The following CARMIL3 variants were observed in gnomAD, a reference collection of about 807,000 sequenced individuals.
The protein encoded by CARMIL3 is capping protein regulator and myosin 1 linker 3.
Under a neutral mutation model 180.8 loss-of-function variants are expected in CARMIL3, and 88 were observed. That is an observed-to-expected ratio of 0.49 (90% confidence interval 0.41 to 0.58). The LOEUF is 0.58. CARMIL3 is among the 20% of genes least tolerant of loss of function. The probability of loss-of-function intolerance (pLI) is 0.00; values close to 1 mark genes in which losing one functional copy is unlikely to be tolerated. For synonymous variants in CARMIL3, 696 were observed against 714.5 expected (o/e 0.97, Z 0.41); for missense variants, 1,548 against 1,787.0 (o/e 0.87, Z 2.41).
chr14:24,065,128 C>G lies in CARMIL3; in HGVS notation c.3251C>G (p.Pro1084Arg). The change falls in exon 33 of 40, where the codon CCC becomes CGC. Residue 1084 changes from proline to arginine, a missense_variant. Around this residue, in one of 4 missense-constraint regions of CARMIL3, gnomAD observed 668 missense variants for 687.8 expected, o/e 0.97. Transcript: ENST00000342740. ...TTGLLLPPPPPPPPTQESPPS... is the reference protein window; with the variant it reads ...TTGLLLPPPPRPPPTQESPPS... ...GGACTCCTCCTCCCTCCACCCCCACCCCCTCCCCCGACTCAGGAGAGCCCC... is the reference window on the plus strand; with the variant it reads ...GGACTCCTCCTCCCTCCACCCCCACGCCCTCCCCCGACTCAGGAGAGCCCC... 1 of 1,462,034 alleles carries G rather than the reference C, an allele frequency of 6.8e-7. No homozygotes were observed. Among genetic ancestry groups the G allele is most frequent in the East Asian group, 2.6e-5 (1 of 38,858 alleles). 90.6% of individuals were successfully genotyped at this position (1,462,034 alleles called of 1,614,324 possible).
At position 24,069,660 on chromosome 14, in the gene CARMIL3, G is replaced by A; in HGVS notation, c.*256G>A. 3.5e-6 allele frequency: 2 copies of A among 565,248 alleles called. No homozygotes were observed. The highest frequency in any genetic ancestry group is 4.5e-5 in the South Asian group (2 of 44,830). The allele number at this position is 565,248 out of a possible 1,614,324, so 35.0% of individuals were successfully genotyped here. The stretch of plus-strand genomic sequence containing the variant: ...GGGGGCTTATCTCCTCCCCCAGGAG[G>A]GTGGATCTCTGTCCCTCTATCCCCA... On this transcript the variant is annotated 3_prime_UTR_variant, in exon 40 of 40. Coordinates refer to ENST00000342740, the MANE Select transcript of CARMIL3 (RefSeq NM_138360.4).
chr14:24,058,628 GC>G lies in CARMIL3; in HGVS notation c.1393-49del. On this transcript the variant is annotated intron_variant, in intron 17 of 39. Coordinates refer to ENST00000342740, the MANE Select transcript of CARMIL3 (RefSeq NM_138360.4). This position sits in a 1 kb window ranked among gnomAD's most constrained non-coding sequence, Gnocchi z 6.4. ...CTACTATATCCTAAGCATTAAAGGTGCCCTACCCCCACCCCAACCCCTGCCT... is the reference window on the plus strand; with the variant it reads ...CTACTATATCCTAAGCATTAAAGGTGCCTACCCCCACCCCAACCCCTGCCT... The G allele has an allele frequency of 1.3e-6, 2 of 1,496,336 alleles. No individual in the cohort carries two copies. 92.7% of individuals were successfully genotyped at this position (1,496,336 alleles called of 1,614,324 possible). A position where few individuals can be genotyped will look rare whatever the true frequency, so the allele number is the denominator to read the frequency against.
At position 24,062,296 on chromosome 14, in the gene CARMIL3, G is replaced by A. The variant is rs547607506; in HGVS notation, c.2481-184G>A. On this transcript the variant is annotated intron_variant, in intron 27 of 39. Coordinates refer to ENST00000342740, the MANE Select transcript of CARMIL3 (RefSeq NM_138360.4). ...TGGGGGCTCTGGGGTGGGACTAGAC[G>A]TGTATTTGTGGAGAAATGAGTGTCA... The A allele has an allele frequency of 7.5e-4, 488 of 646,682 alleles. 3 individuals carry two copies. The highest frequency in any genetic ancestry group is 2.6e-3 in the African/African-American group (142 of 55,440). The allele number at this position is 646,682 out of a possible 1,614,324, so 40.1% of individuals were successfully genotyped here.
In CARMIL3 at chr14:24,058,022, A is replaced by G. The variant is rs1239586314; in HGVS notation, c.1280A>G (p.His427Arg). 1.2e-6 allele frequency: 2 copies of G among 1,613,808 alleles called. No homozygotes were observed. The part of the protein sequence containing the change: ...QFFSSAYTLS[H>R]VNLSATKLPL... ...TTCAGCAGCGCCTACACACTGAGCC[A>G]CGTCAATCTGTCGGCCACAAAGCTG... is the stretch of plus-strand genomic sequence containing the variant. The change falls in exon 16 of 40, where the codon CAC becomes CGC. Residue 427 changes from histidine to arginine, a missense_variant. His to Arg is a conservative substitution (Grantham distance 29, BLOSUM62 0). Coordinates refer to ENST00000342740, the MANE Select transcript of CARMIL3 (RefSeq NM_138360.4). This position sits in a 1 kb window ranked among gnomAD's most constrained non-coding sequence, Gnocchi z 6.4.
At position 24,058,136 on chromosome 14, in the gene CARMIL3, G is replaced by A. The variant is rs1320370552; in HGVS notation, c.1323-19G>A. ...AGCGGGAAGAGGTAAAGGAGGGCCT[G>A]CTGACCTCCCTCCCACAGGGCGCTG... is the stretch of plus-strand genomic sequence containing the variant. On this transcript the variant is annotated intron_variant, in intron 16 of 39. Coordinates refer to ENST00000342740, the MANE Select transcript of CARMIL3 (RefSeq NM_138360.4). The surrounding 1 kb of genome is among the most constrained non-coding windows in gnomAD (Gnocchi z 6.4). 1 of 1,613,750 alleles carries A rather than the reference G, an allele frequency of 6.2e-7. No individual in the cohort carries two copies. The highest frequency in any genetic ancestry group is 2.2e-5 in the East Asian group (1 of 44,864).
chr14:24,055,180 G>A (rs2035659540), intron 7 of CARMIL3, 44 bp downstream of exon 7: 2 of 1,613,906 alleles, frequency 1.2e-6, no homozygotes, highest in African/African-American at 2.7e-5. Context: ...GGGACCTGGA[G>A]GGAAGGGGCT....
chr14:24,064,815 G>T (rs897224685), intron 32 of CARMIL3, 143 bp from the exon 33 acceptor site: 3 of 858,096 alleles, frequency 3.5e-6, no homozygotes, highest in Non-Finnish European at 5.5e-6. Context: ...GACAGGAAAG[G>T]CAAGGGCATC....
In CARMIL3 at chr14:24,069,139, C is replaced by T. The variant is rs376331854; in HGVS notation, c.3985C>T (p.Pro1329Ser). 11 of 1,613,702 alleles carry T rather than the reference C, an allele frequency of 6.8e-6. No homozygotes were observed. The African/African-American group carries it at 1.2e-4, about 18-fold the overall frequency. ...QDQEEPEVQG[P>S]PDPGRRTAPL... ...GCCTGCCTTGATTGTTATTTCAGGG[C>T]CCCCTGATCCAGGCCGGCGGACTGC... Residue 1329 changes from proline to serine, a missense_variant and splice_region_variant, in exon 39 of 40, where the codon CCC (proline) becomes TCC (serine). Transcript: ENST00000342740.
At position 24,059,784 on chromosome 14, in the gene CARMIL3, T is replaced by G. The variant is rs1377613929; in HGVS notation, c.1868+52T>G. 2 of 1,597,314 alleles carry G rather than the reference T, an allele frequency of 1.3e-6. No individual in the cohort carries two copies. The highest frequency in any genetic ancestry group is 1.7e-5 in the Admixed American group (1 of 59,470). ...TCCAAGTCCCCAGCCTCCCTGTGCC[T>G]GGATCAGGCCTGAACTACTCTTGCC... On this transcript the variant is annotated intron_variant, in intron 22 of 39. Coordinates refer to ENST00000342740, the MANE Select transcript of CARMIL3 (RefSeq NM_138360.4). This position sits in a 1 kb window ranked among gnomAD's most constrained non-coding sequence, Gnocchi z 6.3.
intron 38 of CARMIL3, 49 bp from the exon 39 acceptor site, chr14:24,069,088 C>G (rs554440007): frequency 6.2e-7 from 1 of 1,607,392 alleles, no homozygotes; most frequent in Admixed American, 1.7e-5. Flanking sequence ...ATGAGCATCC[C>G]AGCATGAGCC....
chr14:24,068,492 T>C (rs8021991), intron 36 of CARMIL3, 92 bp from the exon 37 acceptor site: 70,676 of 1,139,162 alleles, frequency 0.062, 6,283 homozygotes, highest in East Asian at 0.41. Context: ...GAGAAAGTCC[T>C]GGCCTCCAGG....
At chr14:24,062,124 T>C (rs2035738942) in intron 27 of CARMIL3, 2 of 383,504 alleles carry the variant, frequency 5.2e-6, no homozygotes, top group Non-Finnish European at 9.6e-6. Flanking sequence ...AGGAAGGGTC[T>C]TTCCTACCCT....
At chr14:24,069,276 C>A in intron 39 of CARMIL3, 29 bp downstream of exon 39, 2 of 1,613,076 alleles carry the variant, frequency 1.2e-6, no homozygotes, top group Non-Finnish European at 1.7e-6. Flanking sequence ...CAGGTCCCCC[C>A]TTCCCACCTA....
In CARMIL3 at chr14:24,057,981, G is replaced by A. The variant is rs769690812; in HGVS notation, c.1239G>A (p.Pro413=). 2.1e-5 allele frequency: 34 copies of A among 1,613,492 alleles called. 1 individual carries two copies. In the Admixed American group the frequency reaches 2.7e-4, roughly 13 times the overall value. Residue 413 remains proline, a synonymous_variant, in exon 16 of 40, where the codon CCG becomes CCA. Coordinates refer to ENST00000342740, the MANE Select transcript of CARMIL3 (RefSeq NM_138360.4). ...CSHRKGREAP[P]AFKQFFSSAY... Reference sequence around the variant, plus strand: ...ACAGGAAGGGTCGAGAGGCCCCGCCGGCCTTCAAGCAGTTCTTCAGCAGCG... The same window carrying A: ...ACAGGAAGGGTCGAGAGGCCCCGCCAGCCTTCAAGCAGTTCTTCAGCAGCG...
Position 24,062,540 on chromosome 14 carries a change from A to G in CARMIL3, c.2541A>G (p.Gln847=). The stretch of plus-strand genomic sequence containing the variant: ...GCTCCATAGTGGATGAGATCCTGCA[A>G]GAGCTCTACCATTCCCACAAGAGCC... ...LTSSIVDEIL[Q]ELYHSHKSLA... is the part of the protein sequence containing the mutation. Residue 847 remains glutamine, a synonymous_variant, in exon 28 of 40, where the codon CAA becomes CAG. Coordinates refer to ENST00000342740, the MANE Select transcript of CARMIL3 (RefSeq NM_138360.4). 1 of 1,614,186 alleles carries G rather than the reference A, an allele frequency of 6.2e-7. No individual in the cohort carries two copies. The highest frequency in any genetic ancestry group is 8.5e-7 in the Non-Finnish European group (1 of 1,180,022).
rs752780017 is a variant in CARMIL3, at chr14:24,058,691, G to A, written c.1404G>A (p.Ala468=). Residue 468 remains alanine, a synonymous_variant, in exon 18 of 40, where the codon GCG becomes GCA. Coordinates refer to ENST00000342740, the MANE Select transcript of CARMIL3 (RefSeq NM_138360.4). This position sits in a 1 kb window ranked among gnomAD's most constrained non-coding sequence, Gnocchi z 6.4. ...CCTTGTCCCTGCAGCTCCGTTCAGC[G>A]GGAGCCCAAGCCTTGCAGGAGCAGC... ...LDLSSCELRS[A]GAQALQEQLG... 3.3e-5 allele frequency: 53 copies of A among 1,613,892 alleles called. No individual in the cohort carries two copies. Among genetic ancestry groups the A allele is most frequent in the Non-Finnish European group, 3.9e-5 (46 of 1,180,004 alleles).
intron 1 of CARMIL3, 130 bp downstream of exon 1, chr14:24,052,323 C>G: frequency 1.1e-6 from 1 of 870,422 alleles, no homozygotes; most frequent in Non-Finnish European, 1.7e-6. Flanking sequence ...TCCAAGGCAG[C>G]CCCTGCATTC....
rs2035653695 is a variant in CARMIL3 at position 24,054,613 on chromosome 14, C to T, written c.363-98C>T. 1.3e-6 allele frequency: 2 copies of T among 1,489,746 alleles called. No homozygotes were observed. Among genetic ancestry groups the T allele is most frequent in the Admixed American group, 1.8e-5 (1 of 54,160 alleles). 92.3% of individuals were successfully genotyped at this position (1,489,746 alleles called of 1,614,324 possible). On this transcript the variant is annotated intron_variant, in intron 5 of 39. Coordinates refer to ENST00000342740, the MANE Select transcript of CARMIL3 (RefSeq NM_138360.4). The surrounding 1 kb of genome is among the most constrained non-coding windows in gnomAD (Gnocchi z 5.1). Reference sequence around the variant, plus strand: ...GGGCTGAGAAGGAGAGCTCTCATGTCCCCACTCCTGGTTTTTCCTGGGATG... The same window carrying T: ...GGGCTGAGAAGGAGAGCTCTCATGTTCCCACTCCTGGTTTTTCCTGGGATG...
In CARMIL3 at chr14:24,064,311, C is replaced by T. The variant is rs369689617; in HGVS notation, c.3045C>T (p.Asp1015=). 3 of 1,612,470 alleles carry T rather than the reference C, an allele frequency of 1.9e-6. No homozygotes were observed. The highest frequency in any genetic ancestry group is 2.7e-5 in the African/African-American group (2 of 74,876). The part of the protein sequence containing the change: ...MATRLDEGLE[D]FFSRRVLEES... ...CCCGCCTGGATGAAGGGCTGGAGGA[C>T]TTCTTCAGCCGAAGGGTCCTGGAGG... The change falls in exon 32 of 40, where the codon GAC becomes GAT. Residue 1015 remains aspartate (D), a synonymous_variant. Transcript: ENST00000342740.
Sources: allele counts gnomAD v4.1 joint callset, GRCh38; gene constraint gnomAD v4.1.1; regional missense constraint gnomAD v4.1.1; non-coding constraint Gnocchi (gnomAD v3.1); transcripts MANE v1.5; gene names NCBI Gene and HGNC (gene_info 2026-07-23, HGNC 2026-07-21).